PHF19: variants seen among roughly 807,000 people sequenced by gnomAD.
PHF19 encodes polycomb like 3.
In PHF19, 21 loss-of-function variants were observed where a neutral mutation model predicts 79.8. The observed-to-expected ratio is 0.26, with a 90% CI of 0.19 to 0.38. PHF19 has a LOEUF of 0.38. Ranked by LOEUF, PHF19 falls within the 10% of genes least tolerant of loss-of-function variation. The probability of loss-of-function intolerance (pLI) is 1.00; values close to 1 mark genes in which losing one functional copy is unlikely to be tolerated. For missense variants in PHF19, 445 were observed against 744.2 expected, an observed-to-expected ratio of 0.60 and a Z score of 4.68; for synonymous variants, 273 against 296.3, an observed-to-expected ratio of 0.92 and a Z score of 0.81.
chr9:120,897,290 G>A (rs937728926), upstream of PHF19, among the ~76,000 whole-genome samples: 10 of 152,356 alleles, frequency 6.6e-5, no homozygotes, highest in East Asian at 3.9e-4. Flanking sequence ...TAACAGTCAC[G>A]TCTTGCAGGG....
Position 120,870,590 on chromosome 9 carries a change from T to A in PHF19, c.269-52A>T. The stretch of plus-strand genomic sequence containing the variant: ...GTCCAGCTCACAGGAATGGAAGTTT[T>A]ATACTCACATTCCAGATGCCCAGCC... On this transcript the variant is annotated intron_variant, in intron 3 of 14. Transcript: ENST00000373896. The surrounding 1 kb of genome is among the most constrained non-coding windows in gnomAD (Gnocchi z 4.4). The A allele has an allele frequency of 2.9e-6, 3 of 1,049,524 alleles. No homozygotes were observed. The highest frequency in any genetic ancestry group is 4.5e-6 in the Non-Finnish European group (3 of 665,358). 65.0% of individuals were successfully genotyped at this position (1,049,524 alleles called of 1,614,324 possible). A position where few individuals can be genotyped will look rare whatever the true frequency, so the allele number is the denominator to read the frequency against.
chr9:120,873,785 T>A (rs1258729253), intron 3 of PHF19, among the ~76,000 whole-genome samples, 194 bp downstream of exon 3: 1 of 152,208 alleles, frequency 6.6e-6, no homozygotes, highest in Non-Finnish European at 1.5e-5. Flanking sequence ...CTCAAGGGGA[T>A]GACTCATGTC....
At chr9:120,879,487 G>A (rs1051318378), upstream of PHF19, among the ~76,000 whole-genome samples, 1 of 152,188 alleles carries the variant, frequency 6.6e-6, no homozygotes, top group African/African-American at 2.4e-5. Context: ...CCTACACCAT[G>A]TTTCTTTATC....
Position 120,858,225 on chromosome 9 carries a change from T to C in PHF19, c.1462A>G (p.Lys488Glu). The change falls in exon 15 of 15, where the codon AAG becomes GAG. Residue 488 changes from lysine to glutamate, a missense_variant. This residue lies in a region of PHF19 where 125 missense variants were observed against 180.5 expected (regional missense o/e 0.69). Transcript: ENST00000373896. The stretch of plus-strand genomic sequence containing the variant: ...CCATCCAGCTCAGCTGCCCACCGCT[T>C]TGCCCGCAGGGGCATGTATGCCTTG... ...AAKAYMPLRA[K>E]RWAAELDGRC... 6.3e-7 allele frequency: 1 copy of C among 1,575,976 alleles called. No individual in the cohort carries two copies. The highest frequency in any genetic ancestry group is 8.7e-7 in the Non-Finnish European group (1 of 1,154,304).
chr9:120,898,037 AATCTGGTGTATATTTCAGACAGAGC>A (rs2046416175), upstream of PHF19, among the ~76,000 whole-genome samples: 1 of 152,052 alleles, frequency 6.6e-6, no homozygotes. Flanking sequence ...AAGTCTTTGA[AATCTGGTGTATATTTCAGACAGAGC>A]ATCTCAATTT....
intron 1 of PHF19, among the ~76,000 whole-genome samples, chr9:120,893,311 A>G (rs1378856218): frequency 2.0e-5 from 3 of 152,226 alleles, no homozygotes; most frequent in African/African-American, 7.2e-5. Flanking sequence ...GAGGCCTTCC[A>G]GAAGCTCTCG....
intron 1 of PHF19, among the ~76,000 whole-genome samples, chr9:120,875,631 CCATT>C (rs890200093): frequency 3.3e-5 from 5 of 152,266 alleles, no homozygotes; most frequent in East Asian, 3.9e-4. Flanking sequence ...TTTGCTTGGG[CCATT>C]CATTCATTCA....
At position 120,858,231 on chromosome 9, in the gene PHF19, G is replaced by A. The variant is rs759612290; in HGVS notation, c.1456C>T (p.Arg486Trp). 5.7e-6 allele frequency: 9 copies of A among 1,569,822 alleles called. No individual in the cohort carries two copies. Among genetic ancestry groups the A allele is most frequent in the African/African-American group, 1.3e-5 (1 of 74,204 alleles). ...AGCTCAGCTGCCCACCGCTTTGCCC[G>A]CAGGGGCATGTATGCCTTGGCTGCC... ...KLAAKAYMPL[R>W]AKRWAAELDG... is the part of the protein sequence containing the mutation. The change falls in exon 15 of 15, where the codon CGG becomes TGG. Residue 486 changes from arginine (R) to tryptophan (W), a missense_variant. Physicochemically the swap from Arg to Trp is moderately radical, Grantham distance 101 (BLOSUM62 -3). Around this residue, in one of 5 missense-constraint regions of PHF19, gnomAD observed 125 missense variants for 180.5 expected, o/e 0.69. Coordinates refer to ENST00000373896, the MANE Select transcript of PHF19 (RefSeq NM_015651.3).
intron 1 of PHF19, among the ~76,000 whole-genome samples, chr9:120,890,273 CTTTTTTT>C (rs10658749): frequency 1.0e-4 from 12 of 115,398 alleles, no homozygotes; most frequent in Admixed American, 4.2e-4. Flanking sequence ...AATGAGCCTG[CTTTTTTT>C]TTTTTTTTTT....
chr9:120,865,034 T>G (rs888915237), intron 9 of PHF19, among the ~76,000 whole-genome samples: 2 of 152,172 alleles, frequency 1.3e-5, no homozygotes, highest in African/African-American at 2.4e-5. Context: ...TTTAAAAAAA[T>G]TATCAAATAC....
At chr9:120,897,845 G>T (rs190244100), upstream of PHF19, among the ~76,000 whole-genome samples, 7 of 151,978 alleles carry the variant, frequency 4.6e-5, no homozygotes, top group South Asian at 1.0e-3. Context: ...CGGGTGTGGT[G>T]GTGGGCCCCT....
chr9:120,903,637 GA>G, the PHF19 span: 1 of 152,426 alleles, frequency 6.6e-6, no homozygotes, highest in Non-Finnish European at 1.5e-5. Flanking sequence ...AGGGTCTTTG[GA>G]AAGTTGGGTG....
Position 120,882,926 on chromosome 9 carries a change from G to T in PHF19, c.43-8170C>A, listed in dbSNP as rs547472608. On this transcript the variant is annotated intron_variant, in intron 1 of 14. Transcript: ENST00000616568. Reference sequence around the variant, plus strand: ...GAATAATTATTATTACATAATTTTTGGAAGTAATTATTATGCAGGTGACCA... The same window carrying T: ...GAATAATTATTATTACATAATTTTTTGAAGTAATTATTATGCAGGTGACCA... Among the ~76,000 whole-genome samples, 290 of 151,856 alleles carry T rather than the reference G, an allele frequency of 1.9e-3. 1 individual carries two copies. The highest frequency in any genetic ancestry group is 6.6e-3 in the African/African-American group (272 of 41,420).
At chr9:120,901,836 G>T in the PHF19 span, among the ~76,000 whole-genome samples, 1 of 152,204 alleles carries the variant, frequency 6.6e-6, no homozygotes, top group Non-Finnish European at 1.5e-5. Context: ...CTGACTGGCC[G>T]TTGGGGGCAA....
chr9:120,893,475 C>T (rs150240334), intron 1 of PHF19, among the ~76,000 whole-genome samples: 16 of 152,336 alleles, frequency 1.1e-4, no homozygotes, highest in Non-Finnish European at 2.2e-4. Context: ...GTCCTGTCTG[C>T]CCCCGTCATC....
chr9:120,877,088 C>T lies in PHF19; in HGVS notation c.-16+3G>A. The T allele has an allele frequency of 5.1e-6, 5 of 985,336 alleles. No individual in the cohort carries two copies. Among genetic ancestry groups the T allele is most frequent in the Non-Finnish European group, 6.0e-6 (5 of 829,902 alleles). 61.0% of individuals were successfully genotyped at this position (985,336 alleles called of 1,614,324 possible). Reference sequence around the variant, plus strand: ...GGAGTCCGCCCAACAGCGCAGAACTCACCGCGAGGCTGCGTGTCCGCCGGT... The same window carrying T: ...GGAGTCCGCCCAACAGCGCAGAACTTACCGCGAGGCTGCGTGTCCGCCGGT... On this transcript the variant is annotated splice_donor_region_variant and intron_variant, in intron 1 of 14. Coordinates refer to ENST00000373896, the MANE Select transcript of PHF19 (RefSeq NM_015651.3).
upstream of PHF19, among the ~76,000 whole-genome samples, chr9:120,897,253 C>G (rs2046410728): frequency 6.6e-6 from 1 of 152,246 alleles, no homozygotes; most frequent in Admixed American, 6.5e-5. Flanking sequence ...CCCCAGCCAG[C>G]TGTGCTGAGG....
At chr9:120,893,717 C>T (rs2046370129) in intron 1 of PHF19, among the ~76,000 whole-genome samples, 1 of 152,232 alleles carries the variant, frequency 6.6e-6, no homozygotes, top group African/African-American at 2.4e-5. Flanking sequence ...GTCTGGGGCT[C>T]ACTCCCTCTG....
intron 1 of PHF19, among the ~76,000 whole-genome samples, chr9:120,875,525 TA>T (rs1381838161): frequency 6.6e-6 from 1 of 152,108 alleles, no homozygotes; most frequent in African/African-American, 2.4e-5. Context: ...TCCAAGCAAT[TA>T]GTTGCCACAG....
Sources: allele counts gnomAD v4.1 joint callset (sites outside exome capture counted in the v4.1 genomes callset), GRCh38; gene constraint gnomAD v4.1.1; regional missense constraint gnomAD v4.1.1; non-coding constraint Gnocchi (gnomAD v3.1); transcripts MANE v1.5; gene names NCBI Gene and HGNC (gene_info 2026-07-23, HGNC 2026-07-21).